The following TBC1D1 variants were observed in gnomAD, a reference collection of about 807,000 sequenced individuals.
TBC1D1 encodes TBC1 (tre-2/USP6, BUB2, cdc16) domain family, member 1.
A neutral mutation model predicts 125.6 loss-of-function variants in TBC1D1; 89 were observed. The ratio of observed to expected loss-of-function variants is 0.71; its 90% CI spans 0.60 to 0.85. TBC1D1 has a LOEUF of 0.85. TBC1D1 is among the 40% of genes least tolerant of loss of function. The probability of loss-of-function intolerance (pLI) is 0.00; values close to 1 mark genes in which losing one functional copy is unlikely to be tolerated. For synonymous variants in TBC1D1, 565 were observed against 564.1 expected (o/e 1.00, Z -0.02); for missense variants, 1,377 against 1,469.2 (o/e 0.94, Z 1.03).
At chr4:38,115,987 A>C (rs772457791) in intron 16 of TBC1D1, 33 bp downstream of exon 18, 145 of 1,604,132 alleles carry the variant, frequency 9.0e-5, no homozygotes, top group Non-Finnish European at 1.2e-4. Context: ...TTAATACAAC[A>C]AAATGCTAAG....
intron 2 of TBC1D1, among the ~76,000 whole-genome samples, chr4:37,914,431 T>C (rs2152259682): frequency 6.6e-6 from 1 of 152,228 alleles, no homozygotes; most frequent in East Asian, 1.9e-4. Flanking sequence ...TCTTTTTCCA[T>C]TATCCCTCAT....
chr4:37,909,430 T>C (rs1405823693), intron 2 of TBC1D1, among the ~76,000 whole-genome samples: 1 of 152,238 alleles, frequency 6.6e-6, no homozygotes, highest in East Asian at 1.9e-4. Flanking sequence ...TGCTTGGAAT[T>C]TTAAGTTGGC....
intron 2 of TBC1D1, among the ~76,000 whole-genome samples, chr4:37,954,901 T>TTTC (rs1728633650): frequency 6.7e-6 from 1 of 149,812 alleles, no homozygotes; most frequent in Non-Finnish European, 1.5e-5. Flanking sequence ...TTTTTTTTTT[T>TTTC]TTTGAGACGG....
At chr4:37,997,102 C>T (rs1005305920) in intron 2 of TBC1D1, among the ~76,000 whole-genome samples, 2 of 152,226 alleles carry the variant, frequency 1.3e-5, no homozygotes, top group Non-Finnish European at 2.9e-5. Context: ...TATTTTACTG[C>T]AATTCCTGAG....
chr4:37,917,352 G>A (rs966616159), intron 2 of TBC1D1, among the ~76,000 whole-genome samples: 11 of 152,010 alleles, frequency 7.2e-5, no homozygotes, highest in African/African-American at 2.7e-4. Flanking sequence ...GCAGGCGCCT[G>A]TAATCCCAGC....
chr4:38,053,316 A>G, intron 11 of TBC1D1, 91 bp downstream of exon 13: 1 of 1,091,132 alleles, frequency 9.2e-7, no homozygotes, highest in African/African-American at 1.6e-5. Flanking sequence ...CTATTTTGCC[A>G]TTTAAAAAAT....
intron 2 of TBC1D1, among the ~76,000 whole-genome samples, chr4:37,906,527 C>T (rs1717380029): frequency 6.6e-6 from 1 of 152,156 alleles, no homozygotes; most frequent in Non-Finnish European, 1.5e-5. Flanking sequence ...TTTTGTAAAG[C>T]ATCAGTGATT....
intron 6 of TBC1D1, among the ~76,000 whole-genome samples, chr4:38,023,084 A>G (rs922380085): frequency 6.6e-6 from 1 of 151,876 alleles, no homozygotes; most frequent in African/African-American, 2.4e-5. Flanking sequence ...ATACGTTTCT[A>G]CTAAATACAA....
At chr4:38,009,634 T>C (rs1197709636) in intron 2 of TBC1D1, among the ~76,000 whole-genome samples, 1 of 152,242 alleles carries the variant, frequency 6.6e-6, no homozygotes, top group Admixed American at 6.5e-5. Context: ...GATGTCATTA[T>C]CTGGCTACAT....
chr4:37,933,910 T>G (rs1723844209), intron 2 of TBC1D1, among the ~76,000 whole-genome samples: 1 of 152,152 alleles, frequency 6.6e-6, no homozygotes, highest in African/African-American at 2.4e-5. Flanking sequence ...TCAGTCTCAT[T>G]CCTAATCGAT....
At chr4:38,034,096 C>T (rs1273263511) in intron 7 of TBC1D1, among the ~76,000 whole-genome samples, 2 of 152,208 alleles carry the variant, frequency 1.3e-5, no homozygotes, top group African/African-American at 4.8e-5. Flanking sequence ...TCCAAAGTGG[C>T]TGTACTGTTT....
At chr4:37,997,276 C>G (rs979050040) in intron 2 of TBC1D1, among the ~76,000 whole-genome samples, 3 of 152,160 alleles carry the variant, frequency 2.0e-5, no homozygotes, top group African/African-American at 4.8e-5. Flanking sequence ...CAGGGGCAGT[C>G]TTTTGAATAT....
intron 12 of TBC1D1, among the ~76,000 whole-genome samples, chr4:38,076,392 A>G (rs1755602057): frequency 1.3e-5 from 2 of 152,214 alleles, no homozygotes; most frequent in African/African-American, 4.8e-5. Context: ...TGGTGGTGAC[A>G]TAGCCAAACC....
intron 7 of TBC1D1, among the ~76,000 whole-genome samples, chr4:38,034,755 A>G (rs962809046): frequency 5.9e-5 from 9 of 152,252 alleles, no homozygotes; most frequent in Admixed American, 5.9e-4. Flanking sequence ...TATTTTCAAA[A>G]TTTATAGACT....
chr4:37,984,257 T>A (rs1734973395), intron 2 of TBC1D1, among the ~76,000 whole-genome samples: 1 of 152,228 alleles, frequency 6.6e-6, no homozygotes, highest in South Asian at 2.1e-4. Flanking sequence ...ATATGAGTTT[T>A]CAGCTCCTTT....
chr4:38,062,361 C>CT lies in TBC1D1; in HGVS notation c.2050+8026dup, dbSNP rs558815124. Among the ~76,000 whole-genome samples the CT allele has an allele frequency of 4.6e-3, 694 of 151,726 alleles. 6 individuals are homozygous for CT. The highest frequency in any genetic ancestry group is 0.016 in the African/African-American group (664 of 41,320). On this transcript the variant is annotated intron_variant, in intron 12 of 19. Coordinates refer to ENST00000261439, the MANE Select transcript of TBC1D1 (RefSeq NM_015173.4). ...TGCAACTTATTTGAATGGAGAGCTACTTTCTGAAATCTAGATGTTTTTCTT... is the reference window on the plus strand; with the variant it reads ...TGCAACTTATTTGAATGGAGAGCTACTTTTCTGAAATCTAGATGTTTTTCTT...
chr4:38,116,329 T>C (rs1424602816), intron 16 of TBC1D1, among the ~76,000 whole-genome samples: 1 of 152,120 alleles, frequency 6.6e-6, no homozygotes, highest in East Asian at 1.9e-4. Context: ...CTGCATCTGC[T>C]CTTCCTCTGC....
At chr4:37,961,040 T>C (rs1488468109) in intron 2 of TBC1D1, 1 of 1,611,638 alleles carries the variant, frequency 6.2e-7, no homozygotes, top group Non-Finnish European at 8.5e-7. Flanking sequence ...GACATAGATA[T>C]TTAAATTTCT....
chr4:37,992,930 G>A (rs1439019163), intron 2 of TBC1D1, among the ~76,000 whole-genome samples: 7 of 151,306 alleles, frequency 4.6e-5, no homozygotes, highest in Non-Finnish European at 1.0e-4. Context: ...TTGGCCTCCC[G>A]AGTAGCCAGG....
Sources: gnomAD v4.1 joint callset for allele counts (sites outside exome capture counted in the v4.1 genomes callset) on GRCh38, gnomAD v4.1.1 for gene constraint, MANE v1.5 for transcripts, NCBI Gene and HGNC (gene_info 2026-07-23, HGNC 2026-07-21) for gene names.